Variants in CERS5 observed in about 807,000 individuals in gnomAD.
CERS5 encodes LAG1 homolog, ceramide synthase 5.
Under a neutral mutation model 58.9 loss-of-function variants are expected in CERS5, and 37 were observed. The observed-to-expected ratio is 0.63, with a 90% confidence interval of 0.48 to 0.83. CERS5 has a LOEUF of 0.83. Ranked by LOEUF, CERS5 falls within the 40% of genes least tolerant of loss-of-function variation. The pLI, the probability that CERS5 is intolerant of heterozygous loss-of-function variation, is 0.00. For synonymous variants in CERS5, 147 were observed against 177.8 expected (o/e 0.83, Z 1.38); for missense variants, 398 against 489.3 (o/e 0.81, Z 1.76).
At chr12:50,166,979 G>A (rs1939972093) in intron 1 of CERS5, 122 bp downstream of exon 1, 1 of 822,828 alleles carries the variant, frequency 1.2e-6, no homozygotes, top group East Asian at 3.0e-5. Flanking sequence ...CGCGGCCCAA[G>A]CTCCCCCAGC....
intron 9 of CERS5, 197 bp downstream of exon 9, chr12:50,134,349 G>C: frequency 5.0e-6 from 7 of 1,413,962 alleles, no homozygotes; most frequent in Non-Finnish European, 5.6e-6. Flanking sequence ...ACTCCAGCCT[G>C]GGTGACAGAG....
At chr12:50,134,517 AAAAG>A in intron 9 of CERS5, 25 bp downstream of exon 9, 1 of 1,614,078 alleles carries the variant, frequency 6.2e-7, no homozygotes, top group South Asian at 1.1e-5. Flanking sequence ...TTCCATACCC[AAAAG>A]AAAGAAGCCA....
intron 1 of CERS5, chr12:50,154,126 A>G (rs2138200792): frequency 7.7e-6 from 2 of 258,410 alleles, no homozygotes; most frequent in Non-Finnish European, 1.6e-5. Context: ...AGGCCGAGGC[A>G]GGCAGATCAC....
chr12:50,151,897 C>T (rs191481366), intron 1 of CERS5, among the ~76,000 whole-genome samples: 320 of 152,340 alleles, frequency 2.1e-3, no homozygotes, highest in African/African-American at 7.4e-3. Context: ...TCACCCACCT[C>T]GGCCTCCCAA....
chr12:50,130,256 A>G lies in CERS5; in HGVS notation c.*289T>C, dbSNP rs375885938. The G allele has an allele frequency of 2.6e-3, 693 of 267,772 alleles. 6 individuals are homozygous for G. The highest frequency in any genetic ancestry group is 0.014 in the African/African-American group (644 of 45,406). 16.6% of individuals were successfully genotyped at this position (267,772 alleles called of 1,614,324 possible). On this transcript the variant is annotated 3_prime_UTR_variant, in exon 10 of 10. Transcript: ENST00000317551. Reference sequence around the variant, plus strand: ...GGACCAGGGAAGGCCTCATGGCCCCAGTCCACAATTGTGCCCCAACCCCGG... The same window carrying G: ...GGACCAGGGAAGGCCTCATGGCCCCGGTCCACAATTGTGCCCCAACCCCGG...
At chr12:50,160,083 T>C (rs1456268115) in intron 1 of CERS5, among the ~76,000 whole-genome samples, 3 of 151,134 alleles carry the variant, frequency 2.0e-5, no homozygotes, top group African/African-American at 7.3e-5. Flanking sequence ...GGTGGGTAGA[T>C]CACCTGAGGT....
chr12:50,167,326 C>T lies in CERS5; in HGVS notation c.-29G>A. 2 of 1,471,854 alleles carry T rather than the reference C, an allele frequency of 1.4e-6. No individual in the cohort carries two copies. The highest frequency in any genetic ancestry group is 1.8e-6 in the Non-Finnish European group (2 of 1,119,998). 91.2% of individuals were successfully genotyped at this position (1,471,854 alleles called of 1,614,324 possible). A position where few individuals can be genotyped will look rare whatever the true frequency, so the allele number is the denominator to read the frequency against. ...ACGCCCACCCCGAAGCCACCGCCGC[C>T]ACAAGCGTCAGCTGCCGCCACAGCC... is the stretch of plus-strand genomic sequence containing the variant. On this transcript the variant is annotated 5_prime_UTR_variant, in exon 1 of 10. Coordinates refer to ENST00000317551, the MANE Select transcript of CERS5 (RefSeq NM_147190.5).
chr12:50,145,670 GAAAA>G (rs34463989), intron 1 of CERS5, among the ~76,000 whole-genome samples: 1 of 148,506 alleles, frequency 6.7e-6, no homozygotes, highest in Admixed American at 6.7e-5. Context: ...CGGTGGGGGG[GAAAA>G]AAAAAATAGT....
intron 1 of CERS5, among the ~76,000 whole-genome samples, chr12:50,156,782 T>C (rs146032065): frequency 4.0e-4 from 61 of 152,222 alleles, no homozygotes; most frequent in Admixed American, 1.3e-3. Flanking sequence ...ATTATGTAGC[T>C]GGGCCTGTAG....
Position 50,130,775 on chromosome 12 carries a change from T to G in CERS5, c.1030-81A>C. ...AGCTCAGAGACCCAGGTGTGGGCAC[T>G]GTGTTCCCAGTCTGGTCTGCTTTCT... is the stretch of plus-strand genomic sequence containing the variant. On this transcript the variant is annotated intron_variant, in intron 9 of 9. Coordinates refer to ENST00000317551, the MANE Select transcript of CERS5 (RefSeq NM_147190.5). The G allele has an allele frequency of 3.0e-6, 4 of 1,316,756 alleles. No homozygotes were observed. The South Asian group carries it at 6.1e-5, about 20-fold the overall frequency. 81.6% of individuals were successfully genotyped at this position (1,316,756 alleles called of 1,614,324 possible).
At chr12:50,166,093 C>G (rs1411679536) in intron 1 of CERS5, 2 of 330,490 alleles carry the variant, frequency 6.1e-6, no homozygotes, top group Non-Finnish European at 1.2e-5. Flanking sequence ...GAGGCAGAGG[C>G]GGGCGGATCA....
rs111497554 is a variant in CERS5, at chr12:50,132,642, T to TTGATTATAGC, written c.1029+1894_1029+1903dup. ...TTTGTGTTGGATGGGTCTTCTACAG[T>TTGATTATAGC]TGATTATAGCTGTTGGCCTCTGAAC... On this transcript the variant is annotated intron_variant, in intron 9 of 9. Coordinates refer to ENST00000317551, the MANE Select transcript of CERS5 (RefSeq NM_147190.5). 9.9e-3 allele frequency among the ~76,000 whole-genome samples: 1,513 copies of TTGATTATAGC among 152,246 alleles called. 21 individuals carry two copies. Among genetic ancestry groups the TTGATTATAGC allele is most frequent in the African/African-American group, 0.034 (1,427 of 41,538 alleles).
intron 9 of CERS5, among the ~76,000 whole-genome samples, chr12:50,131,530 G>A (rs1951319969): frequency 1.4e-5 from 2 of 138,556 alleles, no homozygotes; most frequent in South Asian, 4.7e-4. Flanking sequence ...CTGCACTCCA[G>A]CGTGGGCGAC....
At chr12:50,140,920 G>T (rs1297821046) in intron 4 of CERS5, among the ~76,000 whole-genome samples, 11 of 139,686 alleles carry the variant, frequency 7.9e-5, no homozygotes, top group Admixed American at 7.5e-4. Flanking sequence ...CTGTATATTT[G>T]TCTATTCTCT....
At chr12:50,158,887 A>G (rs1303440886) in intron 1 of CERS5, among the ~76,000 whole-genome samples, 1 of 152,192 alleles carries the variant, frequency 6.6e-6, no homozygotes, top group Non-Finnish European at 1.5e-5. Context: ...ATTATTCTCA[A>G]TGCCTTATCA....
chr12:50,158,670 A>C (rs1938929458), intron 1 of CERS5, among the ~76,000 whole-genome samples: 1 of 152,172 alleles, frequency 6.6e-6, no homozygotes, highest in Admixed American at 6.6e-5. Flanking sequence ...ATTTCTGGGG[A>C]ATCAGTAGAT....
chr12:50,167,309 C>A lies in CERS5; in HGVS notation c.-12G>T. 1 of 1,474,108 alleles carries A rather than the reference C, an allele frequency of 6.8e-7. No homozygotes were observed. Among genetic ancestry groups the A allele is most frequent in the East Asian group, 2.7e-5 (1 of 37,208 alleles). 91.3% of individuals were successfully genotyped at this position (1,474,108 alleles called of 1,614,324 possible). ...GCTGCTGTCGCCATCTTACGCCCAC[C>A]CCGAAGCCACCGCCGCCACAAGCGT... On this transcript the variant is annotated 5_prime_UTR_variant, in exon 1 of 10. Coordinates refer to ENST00000317551, the MANE Select transcript of CERS5 (RefSeq NM_147190.5).
Position 50,136,329 on chromosome 12 carries a change from C to T in CERS5, c.637-260G>A, listed in dbSNP as rs371443204. Among the ~76,000 whole-genome samples the T allele has an allele frequency of 2.9e-4, 44 of 152,166 alleles. 1 individual carries two copies. The East Asian group carries it at 3.1e-3, about 11-fold the overall frequency. ...CTCTACTAAAAATACAAAAATAAGC[C>T]GGGCTTGGTGGCATGTGCCTGTAAT... On this transcript the variant is annotated intron_variant, in intron 6 of 9. Transcript: ENST00000317551.
intron 9 of CERS5, among the ~76,000 whole-genome samples, chr12:50,132,557 A>C (rs1284656128): frequency 1.3e-5 from 2 of 152,198 alleles, no homozygotes; most frequent in African/African-American, 4.8e-5. Flanking sequence ...GTGAAAAGGA[A>C]CACAGCTGTA....
Sources: allele counts gnomAD v4.1 joint callset (sites outside exome capture counted in the v4.1 genomes callset), GRCh38; gene constraint gnomAD v4.1.1; transcripts MANE v1.5; gene names NCBI Gene and HGNC (gene_info 2026-07-23, HGNC 2026-07-21).